Variants in SEMA5B observed in about 807,000 individuals in gnomAD.
SEMA5B encodes semaphorin 5B.
SEMA5B carries 66 observed loss-of-function variants against 135.0 expected under a neutral mutation model. The observed-to-expected ratio is 0.49, with a 90% CI of 0.40 to 0.60. SEMA5B has a LOEUF of 0.60. SEMA5B is among the 20% of genes least tolerant of loss of function. The pLI is 0.00. For missense variants in SEMA5B, 1,501 were observed against 1,566.3 expected (o/e 0.96, Z 0.70); for synonymous variants, 690 against 639.5 (o/e 1.08, Z -1.19).
At chr3:122,922,586 G>A in intron 10 of SEMA5B, 139 bp from the exon 11 acceptor site, 2 of 762,404 alleles carry the variant, frequency 2.6e-6, no homozygotes, top group Non-Finnish European at 4.3e-6. Context: ...TAGCATCCCT[G>A]CTGGGCGTCC....
intron 12 of SEMA5B, among the ~76,000 whole-genome samples, chr3:122,917,543 T>G (rs1938131797): frequency 6.6e-6 from 1 of 152,126 alleles, no homozygotes; most frequent in Non-Finnish European, 1.5e-5. Context: ...GTGGGTTCAA[T>G]AGATCATGTC....
At chr3:122,937,208 G>C (rs549663062) in intron 5 of SEMA5B, among the ~76,000 whole-genome samples, 1 of 152,200 alleles carries the variant, frequency 6.6e-6, no homozygotes, top group Non-Finnish European at 1.5e-5. Context: ...TTCAGCACTT[G>C]GTTACTGGTG....
chr3:122,988,847 G>A (rs1405166225), intron 1 of SEMA5B, among the ~76,000 whole-genome samples: 1 of 152,262 alleles, frequency 6.6e-6, no homozygotes, highest in Non-Finnish European at 1.5e-5. Context: ...CGAAGCCAGA[G>A]ACACATCACC....
At chr3:122,934,460 A>G (rs1939148045) in intron 5 of SEMA5B, among the ~76,000 whole-genome samples, 1 of 152,202 alleles carries the variant, frequency 6.6e-6, no homozygotes, top group Admixed American at 6.5e-5. Context: ...CAGTCATGCC[A>G]CCTGCATTAC....
intron 1 of SEMA5B, among the ~76,000 whole-genome samples, chr3:122,984,180 G>C (rs1236663709): frequency 2.6e-5 from 4 of 152,180 alleles, no homozygotes; most frequent in African/African-American, 9.7e-5. Flanking sequence ...TGGCCCTGTA[G>C]GCTCATTCAC....
At chr3:122,983,387 T>C (rs1941590191) in intron 1 of SEMA5B, among the ~76,000 whole-genome samples, 2 of 152,042 alleles carry the variant, frequency 1.3e-5, no homozygotes, top group African/African-American at 4.8e-5. Context: ...TTCAATGCAT[T>C]ATGGGTTGTT....
chr3:123,012,714 G>T (rs554983961), intron 1 of SEMA5B, among the ~76,000 whole-genome samples: 2 of 152,278 alleles, frequency 1.3e-5, no homozygotes, highest in East Asian at 1.9e-4. Flanking sequence ...GCATCCAGAG[G>T]TTCAGGGCTG....
intron 4 of SEMA5B, among the ~76,000 whole-genome samples, chr3:122,940,021 G>A (rs1012980231): frequency 6.6e-6 from 1 of 152,076 alleles, no homozygotes; most frequent in African/African-American, 2.4e-5. Context: ...AGCAGTCAGT[G>A]ACTCCAGGTC....
intron 1 of SEMA5B, among the ~76,000 whole-genome samples, chr3:122,969,345 C>T (rs1285582758): frequency 6.6e-6 from 1 of 152,176 alleles, no homozygotes; most frequent in African/African-American, 2.4e-5. Context: ...GGTGAAGGTG[C>T]TCTCTCCTGG....
At chr3:123,016,211 A>C (rs571380189) in intron 1 of SEMA5B, among the ~76,000 whole-genome samples, 1 of 152,292 alleles carries the variant, frequency 6.6e-6, no homozygotes, top group African/African-American at 2.4e-5. Flanking sequence ...AGGAACCTAC[A>C]CCCAGACCTC....
chr3:122,971,835 A>G (rs999032882), intron 1 of SEMA5B, among the ~76,000 whole-genome samples: 3 of 152,260 alleles, frequency 2.0e-5, no homozygotes, highest in Admixed American at 1.3e-4. Flanking sequence ...GTCAATAGAC[A>G]TGATTCCAGT....
chr3:122,986,381 G>C (rs916761295), intron 1 of SEMA5B, among the ~76,000 whole-genome samples: 11 of 152,114 alleles, frequency 7.2e-5, no homozygotes, highest in African/African-American at 2.7e-4. Flanking sequence ...TTGACATTTT[G>C]AAACAAAGAG....
Position 122,922,273 on chromosome 3 carries a change from C to G in SEMA5B, c.1447G>C (p.Asp483His). Residue 483 changes from aspartate (D) to histidine (H), a missense_variant, in exon 11 of 23, where the codon GAC becomes CAC. Around this residue, in one of 2 missense-constraint regions of SEMA5B, gnomAD observed 574 missense variants for 684.7 expected, o/e 0.84. Transcript: ENST00000357599. ...HLVVDLVQAK[D>H]TLYHVLYIGT... Reference sequence around the variant, plus strand: ...ATGTAGAGTACATGGTAGAGCGTGTCTTTAGCCTGCACCAGGTCCACCACG... The same window carrying G: ...ATGTAGAGTACATGGTAGAGCGTGTGTTTAGCCTGCACCAGGTCCACCACG... 6.2e-7 allele frequency: 1 copy of G among 1,614,032 alleles called. No homozygotes were observed. The highest frequency in any genetic ancestry group is 8.5e-7 in the Non-Finnish European group (1 of 1,179,930).
At position 122,913,941 on chromosome 3, in the gene SEMA5B, G is replaced by A. The variant is rs1576328823; in HGVS notation, c.2049C>T (p.Gly683=). 6.2e-7 allele frequency: 1 copy of A among 1,612,460 alleles called. No individual in the cohort carries two copies. The highest frequency in any genetic ancestry group is 8.5e-7 in the Non-Finnish European group (1 of 1,179,884). The change falls in exon 15 of 23, where the codon GGC becomes GGT. Residue 683 remains glycine, a synonymous_variant. Transcript: ENST00000357599. ...TGCAACTTCGCTGGCGGACCTGGAA[G>A]CCGATGCCACAGGACGTGCTGCACA... ...WALCSTSCGI[G]FQVRQRSCSN...
At chr3:122,922,143 G>A in intron 11 of SEMA5B, 21 bp from the exon 12 acceptor site, 1 of 1,535,330 alleles carries the variant, frequency 6.5e-7, no homozygotes, top group Non-Finnish European at 8.8e-7. Context: ...GGGGGAGCCA[G>A]ACCAAGGTGG....
chr3:122,913,489 C>G, intron 16 of SEMA5B, 45 bp downstream of exon 16: 1 of 1,588,798 alleles, frequency 6.3e-7, no homozygotes, highest in Middle Eastern at 1.7e-4. Context: ...CCCCTCGGCT[C>G]CAGTACCCTA....
intron 3 of SEMA5B, among the ~76,000 whole-genome samples, chr3:122,945,210 A>C (rs1159284243): frequency 6.6e-6 from 1 of 152,140 alleles, no homozygotes; most frequent in Non-Finnish European, 1.5e-5. Context: ...GAAGAAAGAA[A>C]TTCTGCAGCA....
Position 122,910,106 on chromosome 3 carries a change from A to G in SEMA5B, c.*37T>C. 1 of 1,603,998 alleles carries G rather than the reference A, an allele frequency of 6.2e-7. No homozygotes were observed. The highest frequency in any genetic ancestry group is 8.5e-7 in the Non-Finnish European group (1 of 1,174,604). ...CCCATCTCCATCTGCTCTGTGCCTT[A>G]TGAAGGCAAGAAGCCCAAGTCCCCA... On this transcript the variant is annotated 3_prime_UTR_variant, in exon 23 of 23. Transcript: ENST00000357599.
rs1938364044 is a variant in SEMA5B at position 122,921,899 on chromosome 3, C to T, written c.1688+16G>A. On this transcript the variant is annotated intron_variant, in intron 12 of 22. Transcript: ENST00000357599. Reference sequence around the variant, plus strand: ...TCCGCAGTGGAGGCCTCGGGAGCCGCCCCGTCCCGGCTTACCCCTGGCTGC... The same window carrying T: ...TCCGCAGTGGAGGCCTCGGGAGCCGTCCCGTCCCGGCTTACCCCTGGCTGC... The T allele has an allele frequency of 1.3e-6, 2 of 1,524,714 alleles. No individual in the cohort carries two copies. Among genetic ancestry groups the T allele is most frequent in the South Asian group, 2.4e-5 (2 of 82,824 alleles). 94.4% of individuals were successfully genotyped at this position (1,524,714 alleles called of 1,614,324 possible). A position where few individuals can be genotyped will look rare whatever the true frequency, so the allele number is the denominator to read the frequency against.
Sources: gnomAD v4.1 joint callset for allele counts (sites outside exome capture counted in the v4.1 genomes callset) on GRCh38, gnomAD v4.1.1 for gene constraint, gnomAD v4.1.1 regional missense constraint, MANE v1.5 for transcripts, NCBI Gene and HGNC (gene_info 2026-07-23, HGNC 2026-07-21) for gene names.